Variants in APBB1IP observed in about 807,000 individuals in gnomAD.
APBB1IP encodes amyloid beta precursor protein binding family B member 1 interacting protein.
In APBB1IP, 27 loss-of-function variants were observed where a neutral mutation model predicts 64.9. The observed-to-expected ratio is 0.42, with a 90% CI of 0.31 to 0.57. The LOEUF (loss-of-function observed/expected upper bound fraction) is 0.57, where lower values mean the gene tolerates loss of function less well. Ranked by LOEUF, APBB1IP falls within the 20% of genes least tolerant of loss-of-function variation. APBB1IP has a pLI of 0.20. For synonymous variants in APBB1IP, 392 were observed against 331.0 expected (o/e 1.18, Z -2.00); for missense variants, 812 against 845.5 (o/e 0.96, Z 0.49).
At chr10:26,458,681 T>G (rs934141153) in intron 2 of APBB1IP, among the ~76,000 whole-genome samples, 2 of 152,136 alleles carry the variant, frequency 1.3e-5, no homozygotes, top group Non-Finnish European at 2.9e-5. Context: ...AAGACTATAA[T>G]ATGCTATCAT....
chr10:26,478,544 G>A (rs1292289220), intron 2 of APBB1IP, among the ~76,000 whole-genome samples: 1 of 151,780 alleles, frequency 6.6e-6, no homozygotes, highest in Non-Finnish European at 1.5e-5. Context: ...GAACCTGGGA[G>A]CTGGAGGTTG....
chr10:26,525,101 G>A (rs974382022), intron 8 of APBB1IP, among the ~76,000 whole-genome samples: 4 of 151,326 alleles, frequency 2.6e-5, no homozygotes, highest in Non-Finnish European at 2.9e-5. Context: ...TGGGCAACAT[G>A]TGAGACCTCA....
chr10:26,536,055 G>A lies in APBB1IP; in HGVS notation c.901-19G>A, dbSNP rs113715897. On this transcript the variant is annotated intron_variant, in intron 9 of 14. Coordinates refer to ENST00000376236, the MANE Select transcript of APBB1IP (RefSeq NM_019043.4). ...TTATCTTTCGTGTGTGTCTTATGTC[G>A]TCGGAATCTCACTTTCAGGAAAGTT... 1.8e-5 allele frequency: 29 copies of A among 1,569,574 alleles called. 1 individual carries two copies. Among genetic ancestry groups the A allele is most frequent in the South Asian group, 1.3e-4 (11 of 82,930 alleles).
intron 11 of APBB1IP, among the ~76,000 whole-genome samples, chr10:26,545,566 C>A (rs1384757328): frequency 6.6e-6 from 1 of 152,142 alleles, no homozygotes; most frequent in Non-Finnish European, 1.5e-5. Flanking sequence ...CGAGACCATC[C>A]TGGCTAACAC....
chr10:26,441,449 G>C (rs1197108894), intron 2 of APBB1IP, among the ~76,000 whole-genome samples: 2 of 152,182 alleles, frequency 1.3e-5, no homozygotes, highest in African/African-American at 2.4e-5. Flanking sequence ...CCTGCAGCTT[G>C]GAAGGGCAGA....
chr10:26,514,777 G>A (rs1227007530), intron 8 of APBB1IP, among the ~76,000 whole-genome samples: 2 of 152,150 alleles, frequency 1.3e-5, no homozygotes, highest in South Asian at 2.1e-4. Context: ...TCCCTAGGTT[G>A]TATGGTGGCT....
intron 6 of APBB1IP, among the ~76,000 whole-genome samples, chr10:26,506,956 C>T (rs1379798468): frequency 6.6e-6 from 1 of 152,160 alleles, no homozygotes; most frequent in Admixed American, 6.5e-5. Flanking sequence ...CCAGAAGCAG[C>T]TGGATGCATG....
At chr10:26,535,362 A>C (rs540541530) in intron 9 of APBB1IP, among the ~76,000 whole-genome samples, 9 of 152,174 alleles carry the variant, frequency 5.9e-5, no homozygotes, top group South Asian at 2.1e-4. Flanking sequence ...TATAGGGTAC[A>C]TGATATATTT....
intron 2 of APBB1IP, among the ~76,000 whole-genome samples, chr10:26,490,977 C>A (rs1835947778): frequency 6.6e-6 from 1 of 152,076 alleles, no homozygotes; most frequent in Non-Finnish European, 1.5e-5. Flanking sequence ...TGTTTTAGAG[C>A]ATTTTGAAAT....
At chr10:26,466,178 C>T (rs1249107821) in intron 2 of APBB1IP, among the ~76,000 whole-genome samples, 1 of 152,208 alleles carries the variant, frequency 6.6e-6, no homozygotes, top group African/African-American at 2.4e-5. Context: ...CCTTCTACAG[C>T]CCCTCCGGGT....
At position 26,457,648 on chromosome 10, in the gene APBB1IP, G is replaced by C. The variant is rs549428487; in HGVS notation, c.-1+18795G>C. 1.2e-4 allele frequency among the ~76,000 whole-genome samples: 19 copies of C among 152,356 alleles called. No individual in the cohort carries two copies. In the South Asian group the frequency reaches 3.7e-3, roughly 30 times the overall value. On this transcript the variant is annotated intron_variant, in intron 2 of 14. Transcript: ENST00000376236. ...GGGGACCTGGGAACAGGCTGAAGAGGAGGCTGGAAGGAGGCCATGTTGCAT... is the reference window on the plus strand; with the variant it reads ...GGGGACCTGGGAACAGGCTGAAGAGCAGGCTGGAAGGAGGCCATGTTGCAT...
chr10:26,515,614 G>T (rs1178013964), intron 8 of APBB1IP, among the ~76,000 whole-genome samples: 2 of 152,140 alleles, frequency 1.3e-5, no homozygotes, highest in Non-Finnish European at 2.9e-5. Context: ...CTTTCCCCTT[G>T]AATCTATAAA....
At chr10:26,466,585 G>A (rs1043192764) in intron 2 of APBB1IP, among the ~76,000 whole-genome samples, 15 of 152,158 alleles carry the variant, frequency 9.9e-5, no homozygotes, top group African/African-American at 3.4e-4. Context: ...AAGATCACTT[G>A]AGGCCAGGAG....
chr10:26,518,363 T>G (rs1333112989), intron 8 of APBB1IP, among the ~76,000 whole-genome samples: 1 of 151,840 alleles, frequency 6.6e-6, no homozygotes, highest in Non-Finnish European at 1.5e-5. Flanking sequence ...TTCTCGTGCC[T>G]CAGCCTCCCG....
At chr10:26,537,046 C>G (rs1485379566) in intron 10 of APBB1IP, among the ~76,000 whole-genome samples, 1 of 152,008 alleles carries the variant, frequency 6.6e-6, no homozygotes, top group African/African-American at 2.4e-5. Context: ...CTTGGTGATT[C>G]AGGATTATTG....
Position 26,553,022 on chromosome 10 carries a change from CT to C in APBB1IP, c.1156-7074del, listed in dbSNP as rs200846164. Reference sequence around the variant, plus strand: ...GTGATGATGCCCTCCATGTCCTCAACTTTTTTTTTCTTTTTTTGAGATGGAG... The same window carrying C: ...GTGATGATGCCCTCCATGTCCTCAACTTTTTTTTCTTTTTTTGAGATGGAG... On this transcript the variant is annotated intron_variant, in intron 11 of 14. Coordinates refer to ENST00000376236, the MANE Select transcript of APBB1IP (RefSeq NM_019043.4). Among the ~76,000 whole-genome samples, 1,129 of 148,080 alleles carry C rather than the reference CT, an allele frequency of 7.6e-3. 10 individuals carry two copies. The highest frequency in any genetic ancestry group is 0.02 in the African/African-American group (797 of 40,356).
rs75241230 is a variant in APBB1IP at position 26,505,158 on chromosome 10, G to A, written c.531+1884G>A. 5.6e-3 allele frequency among the ~76,000 whole-genome samples: 847 copies of A among 152,236 alleles called. 10 individuals carry two copies. Among genetic ancestry groups the A allele is most frequent in the African/African-American group, 0.02 (820 of 41,528 alleles). On this transcript the variant is annotated intron_variant, in intron 6 of 14. Transcript: ENST00000376236. ...TTGTCCTTTTCACATAGGGCTTTACGCTTTCTATTCCCATGGCACCTATCA... is the reference window on the plus strand; with the variant it reads ...TTGTCCTTTTCACATAGGGCTTTACACTTTCTATTCCCATGGCACCTATCA...
At chr10:26,516,543 C>CA (rs71401901) in intron 8 of APBB1IP, among the ~76,000 whole-genome samples, 926 of 47,206 alleles carry the variant, frequency 0.02, 102 homozygotes, top group African/African-American at 0.1. Context: ...GACTCCATCT[C>CA]AAAAAAAAAA....
At chr10:26,553,977 C>T (rs764065437) in intron 11 of APBB1IP, among the ~76,000 whole-genome samples, 3 of 152,144 alleles carry the variant, frequency 2.0e-5, no homozygotes, top group East Asian at 1.9e-4. Context: ...CCAGACTCCC[C>T]GTGCTCTCGC....
Sources: allele counts gnomAD v4.1 joint callset (sites outside exome capture counted in the v4.1 genomes callset), GRCh38; gene constraint gnomAD v4.1.1; transcripts MANE v1.5; gene names NCBI Gene and HGNC (gene_info 2026-07-23, HGNC 2026-07-21).